The following LMBR1L variants were observed in gnomAD, a reference collection of about 807,000 sequenced individuals.
LMBR1L encodes the protein limb development membrane protein 1 like.
A neutral mutation model predicts 67.3 loss-of-function variants in LMBR1L; 47 were observed. The observed-to-expected ratio is 0.70, with a 90% CI of 0.55 to 0.89. LMBR1L has a LOEUF of 0.89. Ranked by LOEUF, LMBR1L falls within the 40% of genes least tolerant of loss-of-function variation. LMBR1L has a pLI of 0.00. For synonymous variants in LMBR1L, 247 were observed against 250.3 expected (o/e 0.99, Z 0.13); for missense variants, 533 against 599.2 (o/e 0.89, Z 1.15).
In LMBR1L at chr12:49,103,689, T is replaced by C. The variant is rs770218401; in HGVS notation, c.560A>G (p.Tyr187Cys). ...CTGGAGGAAGCTGGGCCGCTCACCA[T>C]AGAGTGACTCTCTGTTGGCCTTGTT... ...DKNKANRESL[Y>C]DFWEYYLPYL... is the part of the protein sequence containing the mutation. The change falls in exon 6 of 17, where the codon TAT (tyrosine) becomes TGT (cysteine). Residue 187 changes from tyrosine to cysteine, a missense_variant and splice_region_variant. Physicochemically the swap from Tyr to Cys is radical, Grantham distance 194 (BLOSUM62 -2). This residue lies in a region of LMBR1L where 246 missense variants were observed against 249.0 expected (regional missense o/e 0.99). Transcript: ENST00000267102. 7 of 1,613,348 alleles carry C rather than the reference T, an allele frequency of 4.3e-6. No homozygotes were observed. Among genetic ancestry groups the C allele is most frequent in the Non-Finnish European group, 5.9e-6 (7 of 1,179,680 alleles).
chr12:49,109,226 C>T (rs1238647136), intron 1 of LMBR1L, among the ~76,000 whole-genome samples: 1 of 152,168 alleles, frequency 6.6e-6, no homozygotes, highest in East Asian at 1.9e-4. Context: ...ATCCAGGAGG[C>T]TGCTTCTGTC....
At chr12:49,105,853 C>T (rs1940828453) in intron 3 of LMBR1L, 71 bp downstream of exon 3, 3 of 1,308,536 alleles carry the variant, frequency 2.3e-6, no homozygotes, top group South Asian at 1.3e-5. Flanking sequence ...CTTCTCCCTC[C>T]AGCTCCAGGC....
chr12:49,110,362 C>T (rs958989906), intron 1 of LMBR1L, 122 bp downstream of exon 1: 1 of 899,506 alleles, frequency 1.1e-6, no homozygotes, highest in Non-Finnish European at 1.8e-6. Flanking sequence ...CGGACGGAGG[C>T]CTCCGTCGCC....
chr12:49,097,760 A>C, intron 16 of LMBR1L, 21 bp from the exon 17 acceptor site: 4 of 1,613,976 alleles, frequency 2.5e-6, no homozygotes, highest in Non-Finnish European at 3.4e-6. Flanking sequence ...GGAGATGGGC[A>C]GTCAAAAGCA....
intron 3 of LMBR1L, 106 bp from the exon 4 acceptor site, chr12:49,104,991 G>A (rs1940718176): frequency 1.6e-6 from 2 of 1,260,672 alleles, no homozygotes; most frequent in Non-Finnish European, 2.2e-6. Flanking sequence ...AGAACCAGCT[G>A]TAGCAATCAC....
At position 49,105,830 on chromosome 12, in the gene LMBR1L, G is replaced by A. The variant is rs183676145; in HGVS notation, c.191+94C>T. ...GAAACAGAAACTCTCTCTTCACTGT[G>A]TGAGACTTCCCCCTTCTCCCTCCAG... On this transcript the variant is annotated intron_variant, in intron 3 of 16. Coordinates refer to ENST00000267102, the MANE Select transcript of LMBR1L (RefSeq NM_018113.4). 3.8e-6 allele frequency: 4 copies of A among 1,042,564 alleles called. No homozygotes were observed. The African/African-American group carries it at 4.8e-5, about 13-fold the overall frequency. 64.6% of individuals were successfully genotyped at this position (1,042,564 alleles called of 1,614,324 possible).
Position 49,097,737 on chromosome 12 carries a change from G to A in LMBR1L, c.1405C>T (p.Leu469=). ...VRAELIRAFG[L]DRLPLPVSGF... is the part of the protein sequence containing the mutation. ...GAGACGGGCAGCGGCAGTCTGTCCA[G>A]CCCTGGAGAAGAGGAGATGGGCAGT... is the stretch of plus-strand genomic sequence containing the variant. Residue 469 remains leucine (L), a splice_region_variant and synonymous_variant, in exon 17 of 17, where the codon CTG becomes TTG. Coordinates refer to ENST00000267102, the MANE Select transcript of LMBR1L (RefSeq NM_018113.4). The A allele has an allele frequency of 6.2e-7, 1 of 1,614,032 alleles. No homozygotes were observed. Among genetic ancestry groups the A allele is most frequent in the Non-Finnish European group, 8.5e-7 (1 of 1,179,964 alleles).
chr12:49,109,113 A>T (rs1435347306), intron 1 of LMBR1L, among the ~76,000 whole-genome samples: 1 of 152,178 alleles, frequency 6.6e-6, no homozygotes, highest in African/African-American at 2.4e-5. Context: ...GCTGCTCTCT[A>T]GCCTCTAGAT....
chr12:49,100,890 G>T, intron 13 of LMBR1L: 1 of 557,808 alleles, frequency 1.8e-6, no homozygotes, highest in South Asian at 2.2e-5. Flanking sequence ...ACCACGTCTG[G>T]CTAATTTTTT....
chr12:49,097,900 A>T, intron 16 of LMBR1L, 44 bp downstream of exon 16: 1 of 1,597,380 alleles, frequency 6.3e-7, no homozygotes, highest in Non-Finnish European at 8.6e-7. Context: ...AGTGTCCTAG[A>T]TGATTACCAC....
chr12:49,103,538 G>A, intron 6 of LMBR1L, 149 bp downstream of exon 6: 1 of 888,802 alleles, frequency 1.1e-6, no homozygotes, highest in Non-Finnish European at 1.7e-6. Context: ...TCTGCAGATT[G>A]CATTTGGCCA....
intron 12 of LMBR1L, 45 bp from the exon 13 acceptor site, chr12:49,101,368 C>CA: frequency 6.2e-7 from 1 of 1,605,462 alleles, no homozygotes; most frequent in Non-Finnish European, 8.5e-7. Flanking sequence ...CCACCATCAG[C>CA]ACTACCCGGC....
chr12:49,110,847 C>G lies in LMBR1L; in HGVS notation c.-292G>C, dbSNP rs1317014595. 15 of 439,624 alleles carry G rather than the reference C, an allele frequency of 3.4e-5. No homozygotes were observed. The highest frequency in any genetic ancestry group is 8.6e-5 in the East Asian group (2 of 23,344). The allele number at this position is 439,624 out of a possible 1,614,324, so 27.2% of individuals were successfully genotyped here. ...CAAACACCCGCCACTAGGCTCGCTA[C>G]GAGGAAGCGCCGCTGAGGGTCCATC... On this transcript the variant is annotated 5_prime_UTR_variant, in exon 1 of 17. Transcript: ENST00000267102.
intron 6 of LMBR1L, 151 bp from the exon 7 acceptor site, chr12:49,103,310 G>C (rs1410371239): frequency 1.3e-5 from 9 of 685,142 alleles, no homozygotes; most frequent in Non-Finnish European, 2.3e-5. Context: ...TAGCAGAATA[G>C]GGAGTGGCAG....
intron 1 of LMBR1L, among the ~76,000 whole-genome samples, chr12:49,109,442 G>T (rs1247140525): frequency 3.3e-5 from 5 of 152,126 alleles, no homozygotes; most frequent in Admixed American, 1.3e-4. Context: ...GATAAGAGCA[G>T]ACCTAATTAT....
intron 11 of LMBR1L, 79 bp from the exon 12 acceptor site, chr12:49,101,628 G>C: frequency 1.9e-6 from 2 of 1,036,736 alleles, no homozygotes; most frequent in Non-Finnish European, 2.9e-6. Context: ...GCAGACTCTG[G>C]TCCAACATTT....
At position 49,101,711 on chromosome 12, in the gene LMBR1L, T is replaced by C. The variant is rs1173444276; in HGVS notation, c.931-162A>G. 18 of 608,624 alleles carry C rather than the reference T, an allele frequency of 3.0e-5. No homozygotes were observed. In the East Asian group the frequency reaches 3.9e-4, roughly 13 times the overall value. 37.7% of individuals were successfully genotyped at this position (608,624 alleles called of 1,614,324 possible). ...ATCAAGGCTGCTATTAGCAACAGAG[T>C]GCCTTTGAGGATATTATAAGATACA... On this transcript the variant is annotated intron_variant, in intron 11 of 16. Coordinates refer to ENST00000267102, the MANE Select transcript of LMBR1L (RefSeq NM_018113.4).
Position 49,100,284 on chromosome 12 carries a change from G to A in LMBR1L, c.1240+104C>T. Reference sequence around the variant, plus strand: ...TAATGCGGATAATACCTACTCATGGGTTTGTTGTGGGAATTAGAGAAATTA... The same window carrying A: ...TAATGCGGATAATACCTACTCATGGATTTGTTGTGGGAATTAGAGAAATTA... On this transcript the variant is annotated intron_variant, in intron 15 of 16. Transcript: ENST00000267102. The A allele has an allele frequency of 3.3e-6, 3 of 905,692 alleles. 1 individual carries two copies. Among genetic ancestry groups the A allele is most frequent in the Middle Eastern group, 2.2e-4 (1 of 4,512 alleles). The allele number at this position is 905,692 out of a possible 1,614,324, so 56.1% of individuals were successfully genotyped here.
intron 1 of LMBR1L, among the ~76,000 whole-genome samples, chr12:49,108,366 A>G (rs535113865): frequency 6.7e-4 from 102 of 152,288 alleles, no homozygotes; most frequent in Non-Finnish European, 1.3e-3. Context: ...GATCAAGACC[A>G]TCCTGGCCAA....
Sources: gnomAD v4.1 joint callset for allele counts (sites outside exome capture counted in the v4.1 genomes callset) on GRCh38, gnomAD v4.1.1 for gene constraint, gnomAD v4.1.1 regional missense constraint, MANE v1.5 for transcripts, NCBI Gene and HGNC (gene_info 2026-07-23, HGNC 2026-07-21) for gene names.